FRK: variants seen among roughly 807,000 people sequenced by gnomAD.
FRK encodes fyn related Src family tyrosine kinase.
A neutral mutation model predicts 56.4 loss-of-function variants in FRK; 51 were observed. The ratio of observed to expected loss-of-function variants is 0.90; its 90% CI spans 0.72 to 1.14. The LOEUF (loss-of-function observed/expected upper bound fraction) is 1.14. FRK is among the 50% of genes most tolerant of loss of function. The pLI is 0.00. For missense variants in FRK, 570 were observed against 601.4 expected (o/e 0.95, Z 0.55); for synonymous variants, 245 against 217.9 (o/e 1.12, Z -1.10).
At chr6:116,048,199 C>T (rs1438541201) in intron 1 of FRK, among the ~76,000 whole-genome samples, 2 of 152,170 alleles carry the variant, frequency 1.3e-5, no homozygotes, top group African/African-American at 4.8e-5. Flanking sequence ...TTTGCCTTGA[C>T]TTTTGTGTTT....
intron 1 of FRK, among the ~76,000 whole-genome samples, chr6:116,045,781 A>G (rs1326411417): frequency 6.6e-6 from 1 of 152,230 alleles, no homozygotes; most frequent in African/African-American, 2.4e-5. Flanking sequence ...CAAAAGTCAA[A>G]ATTGACAAAT....
At chr6:116,084,861 T>C in the FRK span, among the ~76,000 whole-genome samples, 8 of 152,192 alleles carry the variant, frequency 5.3e-5, no homozygotes, top group Non-Finnish European at 1.2e-4. Context: ...ATTATAATGA[T>C]TCTCTATGAA....
chr6:116,073,617 C>T, the FRK span, among the ~76,000 whole-genome samples: 1 of 152,128 alleles, frequency 6.6e-6, no homozygotes, highest in Non-Finnish European at 1.5e-5. Context: ...AGGGAAGCAG[C>T]AGGTAAGTGA....
intron 5 of FRK, among the ~76,000 whole-genome samples, chr6:115,952,750 T>G (rs927095012): frequency 7.9e-5 from 12 of 151,634 alleles, no homozygotes; most frequent in African/African-American, 2.9e-4. Flanking sequence ...CCATAAAAAA[T>G]GATGAGTTCA....
chr6:116,069,113 A>G, the FRK span, among the ~76,000 whole-genome samples: 11 of 152,314 alleles, frequency 7.2e-5, no homozygotes, highest in East Asian at 1.4e-3. Context: ...ATCAATCAAG[A>G]TTCACATCTA....
At chr6:115,954,804 T>TC in intron 5 of FRK, among the ~76,000 whole-genome samples, 1 of 152,202 alleles carries the variant, frequency 6.6e-6, no homozygotes, top group East Asian at 1.9e-4. Flanking sequence ...ATTACTTCTG[T>TC]CACTTCTGGT....
the FRK span, among the ~76,000 whole-genome samples, chr6:116,068,363 A>G: frequency 6.6e-6 from 1 of 152,190 alleles, no homozygotes; most frequent in Admixed American, 6.5e-5. Context: ...AGCAATGACT[A>G]TTAGAAGCTA....
intron 1 of FRK, among the ~76,000 whole-genome samples, chr6:116,023,341 T>C (rs112684258): frequency 1.2e-4 from 18 of 152,270 alleles, no homozygotes; most frequent in African/African-American, 4.3e-4. Context: ...TGCACAAAAA[T>C]GTTAATATGA....
chr6:116,048,434 G>T (rs1302658468), intron 1 of FRK, among the ~76,000 whole-genome samples: 1 of 152,194 alleles, frequency 6.6e-6, no homozygotes, highest in Non-Finnish European at 1.5e-5. Context: ...CACCTAGGCT[G>T]TAGTGCAGTG....
intron 3 of FRK, among the ~76,000 whole-genome samples, chr6:115,968,083 C>A (rs1388434554): frequency 6.6e-6 from 1 of 152,138 alleles, no homozygotes; most frequent in African/African-American, 2.4e-5. Flanking sequence ...TTCCCAAATT[C>A]TTTGGCTATA....
chr6:116,053,233 A>T (rs944713716), intron 1 of FRK, among the ~76,000 whole-genome samples: 1 of 152,212 alleles, frequency 6.6e-6, no homozygotes, highest in African/African-American at 2.4e-5. Flanking sequence ...AACATTCACC[A>T]GAAGAACCCA....
rs890876337 is a variant in FRK, at chr6:115,936,587, T to G, written c.*5827A>C. The G allele has an allele frequency of 4.6e-5, 7 of 152,162 alleles. No individual in the cohort carries two copies. Among genetic ancestry groups the G allele is most frequent in the African/African-American group, 9.7e-5 (4 of 41,430 alleles). The allele number at this position is 152,162 out of a possible 1,614,324, so 9.4% of individuals were successfully genotyped here. A position where few individuals can be genotyped will look rare whatever the true frequency, so the allele number is the denominator to read the frequency against. On this transcript the variant is annotated 3_prime_UTR_variant, in exon 8 of 8. Coordinates refer to ENST00000606080, the MANE Select transcript of FRK (RefSeq NM_002031.3). ...GAAGTTAAGAACACTGTAAAAAGAT[T>G]AGAGGAATTGCTAACTAGAATAACA...
chr6:116,061,289 T>C (rs1777614244), upstream of FRK, among the ~76,000 whole-genome samples: 1 of 152,126 alleles, frequency 6.6e-6, no homozygotes, highest in African/African-American at 2.4e-5. Flanking sequence ...CTTCAAAGAA[T>C]AGTCACAGTC....
At chr6:116,080,097 C>A in the FRK span, among the ~76,000 whole-genome samples, 1 of 151,958 alleles carries the variant, frequency 6.6e-6, no homozygotes, top group Non-Finnish European at 1.5e-5. Flanking sequence ...TATAATGCAA[C>A]GATAGCATAA....
intron 4 of FRK, among the ~76,000 whole-genome samples, chr6:115,959,929 T>C (rs1300696902): frequency 2.0e-5 from 3 of 152,132 alleles, no homozygotes; most frequent in Admixed American, 6.5e-5. Flanking sequence ...CCTTAGTGTC[T>C]CCATAACTTT....
the FRK span, among the ~76,000 whole-genome samples, chr6:116,072,548 C>CAG: frequency 2.8e-5 from 4 of 143,236 alleles, no homozygotes; most frequent in African/African-American, 1.0e-4. Context: ...CACACACACA[C>CAG]ACACACACAC....
chr6:116,059,957 G>T lies in FRK; in HGVS notation c.344+11C>A, dbSNP rs1379834423. 1.9e-6 allele frequency: 3 copies of T among 1,603,446 alleles called. No individual in the cohort carries two copies. In the African/African-American group the frequency reaches 4.0e-5, roughly 21 times the overall value. On this transcript the variant is annotated intron_variant, in intron 1 of 7. Coordinates refer to ENST00000606080, the MANE Select transcript of FRK (RefSeq NM_002031.3). ...GAGTTCAGAAATTAAGTATAAGTTTGTACTACTCACGGCTCTGCCTGTAGG... is the reference window on the plus strand; with the variant it reads ...GAGTTCAGAAATTAAGTATAAGTTTTTACTACTCACGGCTCTGCCTGTAGG...
chr6:115,962,418 G>A lies in FRK; in HGVS notation c.799+5133C>T, dbSNP rs1317991009. ...AAGCAAGTCCTGAGTGACCTACAAAGAGACTTAGACTCCCACACATTAATA... is the reference window on the plus strand; with the variant it reads ...AAGCAAGTCCTGAGTGACCTACAAAAAGACTTAGACTCCCACACATTAATA... On this transcript the variant is annotated intron_variant, in intron 4 of 7. Transcript: ENST00000606080. Among the ~76,000 whole-genome samples the A allele has an allele frequency of 2.1e-5, 3 of 142,256 alleles. No individual in the cohort carries two copies. In the East Asian group the frequency reaches 6.4e-4, roughly 30 times the overall value. 93.3% of individuals were successfully genotyped at this position (142,256 alleles called of 152,430 possible). A position where few individuals can be genotyped will look rare whatever the true frequency, so the allele number is the denominator to read the frequency against.
At chr6:116,025,018 G>A (rs1429760009) in intron 1 of FRK, among the ~76,000 whole-genome samples, 2 of 152,170 alleles carry the variant, frequency 1.3e-5, no homozygotes, top group Admixed American at 6.6e-5. Flanking sequence ...GATGGCCAGT[G>A]ATGGTGAGCA....
Sources: allele counts gnomAD v4.1 joint callset (sites outside exome capture counted in the v4.1 genomes callset), GRCh38; gene constraint gnomAD v4.1.1; transcripts MANE v1.5; gene names NCBI Gene and HGNC (gene_info 2026-07-23, HGNC 2026-07-21).